Variants in DAB1 observed in about 807,000 individuals in gnomAD.
DAB1 encodes the protein disabled homolog 1.
Under a neutral mutation model 64.6 loss-of-function variants are expected in DAB1, and 15 were observed. The observed-to-expected ratio is 0.23, with a 90% confidence interval of 0.16 to 0.36. The LOEUF is 0.36. Ranked by LOEUF, DAB1 falls within the 10% of genes least tolerant of loss-of-function variation. DAB1 has a pLI of 1.00. For missense variants in DAB1, 596 were observed against 706.7 expected (o/e 0.84, Z 1.78); for synonymous variants, 235 against 251.9 (o/e 0.93, Z 0.64).
At chr1:57,067,529 G>T (rs1203193366) in intron 8 of DAB1, among the ~76,000 whole-genome samples, 3 of 152,080 alleles carry the variant, frequency 2.0e-5, no homozygotes, top group Non-Finnish European at 4.4e-5. Context: ...CCCATTAACA[G>T]AGTTGGCTCA....
chr1:57,373,333 A>G (rs1324014785), intron 1 of DAB1, among the ~76,000 whole-genome samples: 1 of 152,190 alleles, frequency 6.6e-6, no homozygotes, highest in East Asian at 1.9e-4. Context: ...TTAAATTTTA[A>G]CAACACATAA....
chr1:58,359,792 T>G (rs1644147179), intron 3 of DAB1, among the ~76,000 whole-genome samples: 1 of 151,918 alleles, frequency 6.6e-6, no homozygotes, highest in African/African-American at 2.4e-5. Flanking sequence ...TGGAAGATGA[T>G]GATGATAACA....
chr1:57,654,634 G>C (rs1316785439), intron 6 of DAB1, among the ~76,000 whole-genome samples: 2 of 152,066 alleles, frequency 1.3e-5, no homozygotes, highest in Admixed American at 1.3e-4. Context: ...TTAATGTAAT[G>C]AAATATATTT....
chr1:57,039,579 C>G (rs1009520522), intron 9 of DAB1, among the ~76,000 whole-genome samples: 3 of 152,172 alleles, frequency 2.0e-5, no homozygotes, highest in Admixed American at 6.5e-5. Flanking sequence ...ACCAGCAAGG[C>G]TGGACTGTTC....
chr1:58,030,068 T>C (rs962698325), intron 5 of DAB1, among the ~76,000 whole-genome samples: 1 of 151,896 alleles, frequency 6.6e-6, no homozygotes, highest in Admixed American at 6.6e-5. Context: ...TAGCCAGGTG[T>C]TGTGGCAGGT....
At chr1:58,077,319 C>A (rs1033203710) in intron 5 of DAB1, among the ~76,000 whole-genome samples, 1 of 152,140 alleles carries the variant, frequency 6.6e-6, no homozygotes, top group Non-Finnish European at 1.5e-5. Flanking sequence ...TATCTGATGC[C>A]TCCAGCTTTC....
chr1:57,578,752 C>T (rs1645279441), intron 7 of DAB1, among the ~76,000 whole-genome samples: 3 of 152,218 alleles, frequency 2.0e-5, no homozygotes, highest in Admixed American at 6.5e-5. Context: ...TTTAGTTACA[C>T]ATTCATTTGC....
In DAB1 at chr1:57,415,151, G is replaced by C. The variant is rs569494542; in HGVS notation, c.-137+8779C>G. 1.8e-4 allele frequency among the ~76,000 whole-genome samples: 28 copies of C among 152,124 alleles called. No individual in the cohort carries two copies. The South Asian group carries it at 5.8e-3, about 32-fold the overall frequency. ...ATAATAAAGTTTGGTTAGGGCAAAA[G>C]AGTGGCTAAAACATATGCTTAGAAA... On this transcript the variant is annotated intron_variant, in intron 1 of 14. Transcript: ENST00000371236.
intron 5 of DAB1, among the ~76,000 whole-genome samples, chr1:57,919,613 G>C (rs1201607185): frequency 1.3e-5 from 2 of 152,144 alleles, no homozygotes; most frequent in East Asian, 3.9e-4. Context: ...GACCCTAAGG[G>C]ACAAAGAATC....
chr1:58,204,493 G>A (rs914158591), intron 4 of DAB1, among the ~76,000 whole-genome samples: 1 of 152,168 alleles, frequency 6.6e-6, no homozygotes, highest in Non-Finnish European at 1.5e-5. Flanking sequence ...ACCAGTAGGG[G>A]GTAGAGAAGT....
rs1169227170 is a variant in DAB1, at chr1:57,957,994, T to C, written n.388-73832A>G. On this transcript the variant is annotated intron_variant and non_coding_transcript_variant, in intron 5 of 20. Coordinates refer to the DAB1 transcript ENST00000485760. Reference sequence around the variant, plus strand: ...ATTCTTGTTCCAGGATGATGTGCTTTTTTTTTTTTAGGCGGAGTCTAACTT... The same window carrying C: ...ATTCTTGTTCCAGGATGATGTGCTTCTTTTTTTTTAGGCGGAGTCTAACTT... Among the ~76,000 whole-genome samples, 3 of 151,860 alleles carry C rather than the reference T, an allele frequency of 2.0e-5. No homozygotes were observed. The East Asian group carries it at 5.8e-4, about 29-fold the overall frequency.
chr1:58,294,865 CGTGTGTGT>C (rs55922554), intron 4 of DAB1, among the ~76,000 whole-genome samples: 1,979 of 137,704 alleles, frequency 0.014, 46 homozygotes, highest in African/African-American at 0.046. Flanking sequence ...TGGTCCAGAA[CGTGTGTGT>C]GTGTGTGTGT....
Position 57,455,306 on chromosome 1 carries a change from T to C in DAB1, n.626-164140A>G, listed in dbSNP as rs1382727422. Among the ~76,000 whole-genome samples, 3 of 152,130 alleles carry C rather than the reference T, an allele frequency of 2.0e-5. No individual in the cohort carries two copies. The East Asian group carries it at 5.8e-4, about 29-fold the overall frequency. On this transcript the variant is annotated intron_variant and non_coding_transcript_variant, in intron 7 of 20. Transcript: ENST00000485760. Reference sequence around the variant, plus strand: ...ATCAGGTGCTGTGCTTGATATTTAATTTTCACAGACCTGAGGTAGCAATAT... The same window carrying C: ...ATCAGGTGCTGTGCTTGATATTTAACTTTCACAGACCTGAGGTAGCAATAT...
chr1:57,413,184 G>GA (rs1684242846), intron 1 of DAB1, among the ~76,000 whole-genome samples: 1 of 152,080 alleles, frequency 6.6e-6, no homozygotes, highest in South Asian at 2.1e-4. Flanking sequence ...CTACTGCTCA[G>GA]AAAAAAAGAT....
chr1:58,108,251 G>A (rs1310202690), intron 5 of DAB1, among the ~76,000 whole-genome samples: 3 of 152,162 alleles, frequency 2.0e-5, no homozygotes, highest in Admixed American at 1.3e-4. Flanking sequence ...GGAGGGCCCT[G>A]GTAATGTCAC....
At chr1:57,684,483 A>T (rs1323992690) in intron 6 of DAB1, among the ~76,000 whole-genome samples, 3 of 152,188 alleles carry the variant, frequency 2.0e-5, no homozygotes, top group Non-Finnish European at 4.4e-5. Flanking sequence ...CAGTATCCTT[A>T]AAAAAAGAAA....
intron 3 of DAB1, among the ~76,000 whole-genome samples, chr1:58,464,654 C>T (rs187932004): frequency 6.6e-6 from 1 of 152,168 alleles, no homozygotes; most frequent in Non-Finnish European, 1.5e-5. Context: ...AGATATAGCA[C>T]TAGGTTGCTG....
At chr1:57,742,368 T>C (rs1288396251) in intron 6 of DAB1, among the ~76,000 whole-genome samples, 1 of 152,176 alleles carries the variant, frequency 6.6e-6, no homozygotes, top group Non-Finnish European at 1.5e-5. Flanking sequence ...AATAGTTTTC[T>C]ATCAAAATGT....
chr1:57,302,848 A>G (rs924498760), intron 1 of DAB1, among the ~76,000 whole-genome samples: 1 of 152,216 alleles, frequency 6.6e-6, no homozygotes, highest in Non-Finnish European at 1.5e-5. Flanking sequence ...AAAGGTTAAG[A>G]GAACTTGGCA....
Sources: gnomAD v4.1 joint callset for allele counts (sites outside exome capture counted in the v4.1 genomes callset) on GRCh38, gnomAD v4.1.1 for gene constraint, MANE v1.5 for transcripts, NCBI Gene and HGNC (gene_info 2026-07-23, HGNC 2026-07-21) for gene names.